PGM5: variants seen among roughly 807,000 people sequenced by gnomAD.
PGM5 encodes phosphoglucomutase 5, also known as phosphoglucomutase-like protein 5.
PGM5 carries 23 observed loss-of-function variants against 59.2 expected under a neutral mutation model. The ratio of observed to expected loss-of-function variants is 0.39; its 90% CI spans 0.28 to 0.55. PGM5 has a LOEUF of 0.55. Ranked by LOEUF, PGM5 falls within the 20% of genes least tolerant of loss-of-function variation. The probability of loss-of-function intolerance (pLI) is 0.66; values close to 1 mark genes in which losing one functional copy is unlikely to be tolerated. For synonymous variants in PGM5, 214 were observed against 286.0 expected, an observed-to-expected ratio of 0.75 and a Z score of 2.54; for missense variants, 574 against 748.3, an observed-to-expected ratio of 0.77 and a Z score of 2.72.
chr9:68,417,411 T>C (rs1200071734), intron 6 of PGM5, among the ~76,000 whole-genome samples: 1 of 149,902 alleles, frequency 6.7e-6, no homozygotes, highest in Non-Finnish European at 1.5e-5. Flanking sequence ...GAGCTGTACT[T>C]CCCCTGGGCC....
At chr9:68,405,210 A>G (rs1822773380) in intron 6 of PGM5, 1 of 152,232 alleles carries the variant, frequency 6.6e-6, no homozygotes, top group Non-Finnish European at 1.5e-5. Flanking sequence ...ACTATAGAAG[A>G]TGGGATAGAC....
chr9:68,450,279 CA>C (rs113337856), intron 6 of PGM5, among the ~76,000 whole-genome samples: 15,536 of 152,064 alleles, frequency 0.1, 1,500 homozygotes, highest in African/African-American at 0.26. Context: ...ACAAAACAAA[CA>C]AAAAAACCAC....
At chr9:68,524,322 C>G (rs1233370256) in intron 10 of PGM5, among the ~76,000 whole-genome samples, 3 of 152,154 alleles carry the variant, frequency 2.0e-5, no homozygotes, top group Non-Finnish European at 4.4e-5. Flanking sequence ...CCCCTGTAGC[C>G]TGTCTACATT....
intron 1 of PGM5, among the ~76,000 whole-genome samples, chr9:68,375,149 C>A (rs1415373044): frequency 6.6e-6 from 1 of 152,088 alleles, no homozygotes; most frequent in Non-Finnish European, 1.5e-5. Context: ...TGGTCTCTCC[C>A]AAAATAAGCT....
chr9:68,465,825 A>AC (rs527897359), intron 7 of PGM5, among the ~76,000 whole-genome samples: 1 of 152,036 alleles, frequency 6.6e-6, no homozygotes, highest in Non-Finnish European at 1.5e-5. Flanking sequence ...TGTGTAAAGT[A>AC]CCCCCCAGTC....
At chr9:68,410,302 T>C (rs1487856765) in intron 6 of PGM5, among the ~76,000 whole-genome samples, 6 of 152,218 alleles carry the variant, frequency 3.9e-5, no homozygotes, top group African/African-American at 1.4e-4. Context: ...TCATTCTGAA[T>C]GGCCACGAGC....
intron 7 of PGM5, among the ~76,000 whole-genome samples, chr9:68,475,324 C>T (rs1554686582): frequency 2.0e-5 from 3 of 151,620 alleles, no homozygotes; most frequent in South Asian, 2.1e-4. Flanking sequence ...TGTGAGCCAC[C>T]GTGCCTGGCT....
chr9:68,386,628 C>T (rs1181130490), intron 3 of PGM5, among the ~76,000 whole-genome samples: 1 of 152,034 alleles, frequency 6.6e-6, no homozygotes, highest in Non-Finnish European at 1.5e-5. Context: ...AAACAATATA[C>T]GTAAGTTTCA....
chr9:68,501,075 T>C (rs7039076), intron 10 of PGM5, among the ~76,000 whole-genome samples: 61,914 of 151,936 alleles, frequency 0.41, 14,114 homozygotes, highest in Non-Finnish European at 0.49. Context: ...TCCCCATGAC[T>C]GCACATTTCT....
At position 68,377,072 on chromosome 9, in the gene PGM5, G is replaced by A. The variant is rs192986924; in HGVS notation, c.262-1127G>A. On this transcript the variant is annotated intron_variant, in intron 1 of 10. Transcript: ENST00000396396. ...CCCCGGAGTAGCTGGGACTACAGGC[G>A]TGCACCACCATGCTCAGCTAATTTT... Among the ~76,000 whole-genome samples the A allele has an allele frequency of 3.7e-3, 567 of 151,718 alleles. 1 individual carries two copies. Among genetic ancestry groups the A allele is most frequent in the Non-Finnish European group, 6.5e-3 (440 of 67,910 alleles).
intron 6 of PGM5, among the ~76,000 whole-genome samples, chr9:68,420,079 C>T (rs1483410795): frequency 2.6e-5 from 4 of 152,140 alleles, no homozygotes; most frequent in African/African-American, 4.8e-5. Flanking sequence ...AAGCTGAAAA[C>T]GTACACCTAG....
At chr9:68,474,860 A>G (rs1824078658) in intron 7 of PGM5, among the ~76,000 whole-genome samples, 1 of 150,692 alleles carries the variant, frequency 6.6e-6, no homozygotes, top group Non-Finnish European at 1.5e-5. Flanking sequence ...CTCAAGCCAT[A>G]AAAAGACATG....
rs1003699570 is a variant in PGM5 at position 68,529,828 on chromosome 9, G to C, written c.*172G>C. On this transcript the variant is annotated 3_prime_UTR_variant, in exon 11 of 11. Transcript: ENST00000396396. ...AAGAAAAAAAATCCATTTGGTTTTGGTTTTGTCCTATTCCTCCAAATGCAG... is the reference window on the plus strand; with the variant it reads ...AAGAAAAAAAATCCATTTGGTTTTGCTTTTGTCCTATTCCTCCAAATGCAG... 1.9e-6 allele frequency: 1 copy of C among 532,632 alleles called. No individual in the cohort carries two copies. The highest frequency in any genetic ancestry group is 3.3e-6 in the Non-Finnish European group (1 of 303,472). 33.0% of individuals were successfully genotyped at this position (532,632 alleles called of 1,614,324 possible).
At chr9:68,500,303 T>A (rs1361964870) in intron 10 of PGM5, among the ~76,000 whole-genome samples, 1 of 151,980 alleles carries the variant, frequency 6.6e-6, no homozygotes, top group Non-Finnish European at 1.5e-5. Flanking sequence ...TTTTGTTTTG[T>A]TTTGTTTTGT....
intron 6 of PGM5, among the ~76,000 whole-genome samples, chr9:68,430,603 T>C (rs1046995094): frequency 3.3e-5 from 5 of 152,252 alleles, no homozygotes; most frequent in Non-Finnish European, 5.9e-5. Context: ...CATCAACTTT[T>C]CCGGAATCAG....
At chr9:68,481,804 A>C (rs192138052) in intron 8 of PGM5, among the ~76,000 whole-genome samples, 6 of 152,360 alleles carry the variant, frequency 3.9e-5, no homozygotes, top group Admixed American at 3.9e-4. Context: ...CAAAAAGATC[A>C]CAGAGATAAA....
At chr9:68,382,642 C>T (rs868956503) in intron 2 of PGM5, among the ~76,000 whole-genome samples, 21 of 151,292 alleles carry the variant, frequency 1.4e-4, no homozygotes, top group Non-Finnish European at 2.1e-4. Flanking sequence ...GTAGATTTGC[C>T]GTATCCTTTA....
At chr9:68,488,727 A>G (rs1824338867) in intron 9 of PGM5, among the ~76,000 whole-genome samples, 1 of 152,200 alleles carries the variant, frequency 6.6e-6, no homozygotes, top group Non-Finnish European at 1.5e-5. Context: ...TTTGATTTAG[A>G]AAGCATTTTC....
intron 10 of PGM5, among the ~76,000 whole-genome samples, chr9:68,520,725 T>A (rs1824889186): frequency 1.3e-5 from 2 of 152,216 alleles, no homozygotes; most frequent in Non-Finnish European, 2.9e-5. Flanking sequence ...CAAAGGGAAG[T>A]CCTTTAATAT....
Sources: gnomAD v4.1 joint callset for allele counts (sites outside exome capture counted in the v4.1 genomes callset) on GRCh38, gnomAD v4.1.1 for gene constraint, MANE v1.5 for transcripts, NCBI Gene and HGNC (gene_info 2026-07-23, HGNC 2026-07-21) for gene names.